FANCC: variants seen among roughly 807,000 people sequenced by gnomAD.
The protein encoded by FANCC is Fanconi anemia group C protein.
In FANCC, 55 loss-of-function variants were observed where a neutral mutation model predicts 71.3. That is an observed-to-expected ratio of 0.77 (90% CI 0.62 to 0.97). The LOEUF (loss-of-function observed/expected upper bound fraction) is 0.97, where lower values mean the gene tolerates loss of function less well. Among genes scored for constraint, FANCC ranks in the 50% least tolerant of loss-of-function variants. The pLI is 0.00. For synonymous variants in FANCC, 275 were observed against 244.9 expected, an observed-to-expected ratio of 1.12 and a Z score of -1.15; for missense variants, 678 against 670.9, an observed-to-expected ratio of 1.01 and a Z score of -0.12.
chr9:95,176,710 T>C (rs1308485909), intron 4 of FANCC, among the ~76,000 whole-genome samples: 1 of 152,256 alleles, frequency 6.6e-6, no homozygotes, highest in Non-Finnish European at 1.5e-5. Context: ...TTATTGTATA[T>C]CACAATCCAC....
intron 7 of FANCC, among the ~76,000 whole-genome samples, chr9:95,146,730 G>C (rs1039784662): frequency 6.6e-6 from 1 of 151,896 alleles, no homozygotes; most frequent in African/African-American, 2.4e-5. Flanking sequence ...ACTGCAGACA[G>C]AGCCACTCGT....
At position 95,220,164 on chromosome 9, in the gene FANCC, T is replaced by C. The variant is rs370177691; in HGVS notation, c.345+20485A>G. 5.3e-5 allele frequency among the ~76,000 whole-genome samples: 8 copies of C among 152,220 alleles called. No homozygotes were observed. In the South Asian group the frequency reaches 1.7e-3, roughly 32 times the overall value. On this transcript the variant is annotated intron_variant, in intron 4 of 14. Transcript: ENST00000289081. Reference sequence around the variant, plus strand: ...AGAGAAATGCAAATCAAAACCACAATGAGATACCATCTCACACCAGTTAGA... The same window carrying C: ...AGAGAAATGCAAATCAAAACCACAACGAGATACCATCTCACACCAGTTAGA...
At chr9:95,149,631 ACCATGC>A (rs1234126889) in intron 7 of FANCC, among the ~76,000 whole-genome samples, 12 of 151,934 alleles carry the variant, frequency 7.9e-5, no homozygotes, top group African/African-American at 2.4e-4. Flanking sequence ...GGCACACACC[ACCATGC>A]TTGACTAATT....
intron 4 of FANCC, among the ~76,000 whole-genome samples, chr9:95,188,215 C>A (rs1250796244): frequency 6.6e-6 from 1 of 152,176 alleles, no homozygotes; most frequent in African/African-American, 2.4e-5. Flanking sequence ...AAACTGAACT[C>A]TTTTCTATCT....
intron 7 of FANCC, among the ~76,000 whole-genome samples, chr9:95,140,047 A>G (rs1828403299): frequency 6.6e-6 from 1 of 152,054 alleles, no homozygotes; most frequent in African/African-American, 2.4e-5. Context: ...TGAATTCAAG[A>G]AAACAGAGTA....
At chr9:95,248,436 A>G (rs551428979) in intron 2 of FANCC, among the ~76,000 whole-genome samples, 79 of 152,318 alleles carry the variant, frequency 5.2e-4, no homozygotes, top group African/African-American at 1.9e-3. Context: ...CTAAAGACAT[A>G]TGAACTCATA....
chr9:95,202,991 A>C (rs1827893508), intron 4 of FANCC, among the ~76,000 whole-genome samples: 1 of 152,250 alleles, frequency 6.6e-6, no homozygotes, highest in African/African-American at 2.4e-5. Context: ...TCAAACTGCA[A>C]AGAAATATCA....
intron 1 of FANCC, chr9:95,316,711 T>C (rs1056381961): frequency 2.6e-5 from 4 of 152,226 alleles, no homozygotes; most frequent in African/African-American, 9.6e-5. Flanking sequence ...CAATTTCCCA[T>C]GTTATAAAAC....
chr9:95,298,710 G>A (rs1217418284), intron 1 of FANCC, among the ~76,000 whole-genome samples: 1 of 152,158 alleles, frequency 6.6e-6, no homozygotes, highest in African/African-American at 2.4e-5. Flanking sequence ...GTCACTTCCA[G>A]GTTTAGTCTG....
chr9:95,149,591 G>A (rs1219446850), intron 7 of FANCC, among the ~76,000 whole-genome samples: 1 of 151,754 alleles, frequency 6.6e-6, no homozygotes, highest in Non-Finnish European at 1.5e-5. Context: ...CGATCCTCCT[G>A]ACTCAGCCCC....
intron 7 of FANCC, among the ~76,000 whole-genome samples, chr9:95,144,910 G>C (rs112600007): frequency 6.6e-6 from 1 of 152,032 alleles, no homozygotes; most frequent in Non-Finnish European, 1.5e-5. Context: ...CAAACATAAC[G>C]CTCGGACTCC....
intron 7 of FANCC, among the ~76,000 whole-genome samples, chr9:95,137,969 T>G (rs1293690065): frequency 6.6e-6 from 1 of 151,912 alleles, no homozygotes; most frequent in Non-Finnish European, 1.5e-5. Flanking sequence ...GTAACGGGAG[T>G]GATCCCAGGC....
chr9:95,158,204 C>A (rs892679015), intron 6 of FANCC, among the ~76,000 whole-genome samples: 4 of 152,158 alleles, frequency 2.6e-5, no homozygotes, highest in Admixed American at 6.5e-5. Flanking sequence ...TTCACACACA[C>A]CCCCACATAC....
chr9:95,153,877 T>C, intron 6 of FANCC, among the ~76,000 whole-genome samples: 1 of 152,172 alleles, frequency 6.6e-6, no homozygotes, highest in Middle Eastern at 3.2e-3. Context: ...TGTCCAGAAA[T>C]TACTTTCAAC....
chr9:95,246,124 T>C (rs935308894), intron 3 of FANCC, among the ~76,000 whole-genome samples: 1 of 152,152 alleles, frequency 6.6e-6, no homozygotes, highest in Non-Finnish European at 1.5e-5. Context: ...CTAACTGCAA[T>C]AGATAAACCT....
At chr9:95,209,752 C>A (rs1402193206) in intron 4 of FANCC, among the ~76,000 whole-genome samples, 1 of 152,114 alleles carries the variant, frequency 6.6e-6, no homozygotes, top group Non-Finnish European at 1.5e-5. Context: ...ATCTCCAATT[C>A]ATCTGCTTCC....
intron 14 of FANCC, among the ~76,000 whole-genome samples, chr9:95,103,469 A>G (rs1013067297): frequency 2.0e-5 from 3 of 152,056 alleles, no homozygotes; most frequent in African/African-American, 2.4e-5. Flanking sequence ...AGGAGGCAGG[A>G]GAAGGAGAAG....
intron 4 of FANCC, among the ~76,000 whole-genome samples, chr9:95,183,960 T>G (rs1826548449): frequency 6.6e-6 from 1 of 152,244 alleles, no homozygotes; most frequent in Non-Finnish European, 1.5e-5. Context: ...AATGTATTTC[T>G]CAGGTATAAA....
chr9:95,253,230 G>A (rs1831461322), intron 1 of FANCC, among the ~76,000 whole-genome samples: 1 of 152,192 alleles, frequency 6.6e-6, no homozygotes. Context: ...GTGATGACCA[G>A]GGAGTGTGGG....
Sources: allele counts gnomAD v4.1 joint callset (sites outside exome capture counted in the v4.1 genomes callset), GRCh38; gene constraint gnomAD v4.1.1; transcripts MANE v1.5; gene names NCBI Gene and HGNC (gene_info 2026-07-23, HGNC 2026-07-21).